SLFN12L: variants seen among roughly 807,000 people sequenced by gnomAD.
SLFN12L encodes the protein schlafen family member 12-like.
Under a neutral mutation model 34.8 loss-of-function variants are expected in SLFN12L, and 34 were observed. That is an observed-to-expected ratio of 0.98 (90% confidence interval 0.74 to 1.30). SLFN12L has a LOEUF of 1.30. Among genes scored for constraint, SLFN12L ranks in the 50% most tolerant of loss-of-function variants. SLFN12L has a pLI of 0.00. For missense variants in SLFN12L, 703 were observed against 696.2 expected (o/e 1.01, Z -0.11); for synonymous variants, 259 against 247.5 (o/e 1.05, Z -0.44).
chr17:35,530,508 G>GAAAGAAAAGAAAAGAAAAGA (rs200936112), intron 1 of SLFN12L, among the ~76,000 whole-genome samples: 11 of 32,706 alleles, frequency 3.4e-4, no homozygotes, highest in Non-Finnish European at 6.9e-4. Flanking sequence ...AAGAAAGAAA[G>GAAAGAAAAGAAAAGAAAAGA]AAAGAAAAGA....
At chr17:35,523,186 C>A (rs1310319362) in intron 1 of SLFN12L, among the ~76,000 whole-genome samples, 1 of 152,194 alleles carries the variant, frequency 6.6e-6, no homozygotes, top group Non-Finnish European at 1.5e-5. Flanking sequence ...TTTGACCTAA[C>A]CTCTCTGAGA....
At chr17:35,491,397 T>A (rs1472397847) in intron 2 of SLFN12L, among the ~76,000 whole-genome samples, 3 of 152,238 alleles carry the variant, frequency 2.0e-5, no homozygotes, top group African/African-American at 7.2e-5. Context: ...TTTTCATGAA[T>A]TTTTTAAAAA....
intron 2 of SLFN12L, chr17:35,490,453 A>C (rs542961663): frequency 1.9e-6 from 2 of 1,048,484 alleles, no homozygotes; most frequent in South Asian, 2.5e-5. Context: ...GGAAGTGCTA[A>C]AAGTGCAAAA....
intron 2 of SLFN12L, among the ~76,000 whole-genome samples, chr17:35,494,351 G>A (rs1238459648): frequency 1.3e-5 from 2 of 151,796 alleles, no homozygotes; most frequent in African/African-American, 4.8e-5. Flanking sequence ...ACTTTTGTAT[G>A]GTAAAGGATC....
At position 35,470,910 on chromosome 17, in the gene SLFN12L, T is replaced by C. The variant is rs1441307991; in HGVS notation, c.*4013A>G. On this transcript the variant is annotated 3_prime_UTR_variant, in exon 5 of 5. Transcript: ENST00000628453. Reference sequence around the variant, plus strand: ...CCCACTTATGAGTGAGAACATGTAGTGTTTCATTTTCTGTTCCCATGTTAG... The same window carrying C: ...CCCACTTATGAGTGAGAACATGTAGCGTTTCATTTTCTGTTCCCATGTTAG... 6.6e-6 allele frequency among the ~76,000 whole-genome samples: 1 copy of C among 152,050 alleles called. No homozygotes were observed. The highest frequency in any genetic ancestry group is 6.6e-5 in the Admixed American group (1 of 15,262).
Position 35,479,761 on chromosome 17 carries a change from G to A in SLFN12L, c.521C>T (p.Thr174Met), listed in dbSNP as rs1218289811. Residue 174 changes from threonine (T) to methionine (M), a missense_variant, in exon 3 of 5, where the codon ACG (threonine) becomes ATG (methionine). By Grantham distance (81) the Thr-to-Met change is moderately conservative (BLOSUM62 -1). Coordinates refer to ENST00000628453, the MANE Select transcript of SLFN12L (RefSeq NM_001363830.2). The part of the protein sequence containing the change: ...LSSSLYKRDV[T>M]SAKVMNASAA... ...AGAAGCATTCATGACTTTTGCAGAC[G>A]TTACATCTCTCTTGTACAAACTGGA... 5.0e-6 allele frequency: 8 copies of A among 1,614,046 alleles called. No individual in the cohort carries two copies. The highest frequency in any genetic ancestry group is 2.2e-5 in the South Asian group (2 of 91,050).
At chr17:35,530,690 T>C (rs1484827266) in intron 1 of SLFN12L, among the ~76,000 whole-genome samples, 1 of 152,096 alleles carries the variant, frequency 6.6e-6, no homozygotes, top group African/African-American at 2.4e-5. Flanking sequence ...TAGTCTTTTT[T>C]ATTTCAAAGA....
At chr17:35,488,872 C>T (rs896476897) in intron 2 of SLFN12L, among the ~76,000 whole-genome samples, 2 of 151,830 alleles carry the variant, frequency 1.3e-5, no homozygotes, top group African/African-American at 4.8e-5. Context: ...GAGTTTGAGA[C>T]CAGCCTGGCC....
intron 2 of SLFN12L, chr17:35,499,242 AAC>A: frequency 1.1e-6 from 1 of 882,568 alleles, no homozygotes; most frequent in Non-Finnish European, 1.6e-6. Flanking sequence ...GTCCTTACCA[AAC>A]ACGACATATC....
At chr17:35,526,442 G>A (rs1287124103) in intron 1 of SLFN12L, among the ~76,000 whole-genome samples, 1 of 152,074 alleles carries the variant, frequency 6.6e-6, no homozygotes, top group Admixed American at 6.6e-5. Context: ...TTCTAAAATT[G>A]ACCACATAAT....
Position 35,506,188 on chromosome 17 carries a change from A to C in SLFN12L, c.86+16091T>G, listed in dbSNP as rs1024139358. On this transcript the variant is annotated intron_variant, in intron 2 of 4. Coordinates refer to ENST00000628453, the MANE Select transcript of SLFN12L (RefSeq NM_001363830.2). ...GTTAGCCAAAACAGAAGGAAAGAAAAGGGATTCCCAAACAAGTCACCTTGA... is the reference window on the plus strand; with the variant it reads ...GTTAGCCAAAACAGAAGGAAAGAAACGGGATTCCCAAACAAGTCACCTTGA... Among the ~76,000 whole-genome samples, 2 of 152,314 alleles carry C rather than the reference A, an allele frequency of 1.3e-5. 1 individual carries two copies.
At chr17:35,490,572 C>A in intron 2 of SLFN12L, 1 of 821,438 alleles carries the variant, frequency 1.2e-6, no homozygotes, top group Non-Finnish European at 2.2e-6. Context: ...CGGATGGGGG[C>A]ATGCTGACCC....
Position 35,482,064 on chromosome 17 carries a change from G to T in SLFN12L, c.87-1869C>A, listed in dbSNP as rs1292422132. On this transcript the variant is annotated intron_variant, in intron 2 of 4. Coordinates refer to ENST00000628453, the MANE Select transcript of SLFN12L (RefSeq NM_001363830.2). ...TTTAGTAGAGACAGCGTTTCACCATGTTGGCCAGGCTGGTCTCGATGATGA... is the reference window on the plus strand; with the variant it reads ...TTTAGTAGAGACAGCGTTTCACCATTTTGGCCAGGCTGGTCTCGATGATGA... 2.0e-5 allele frequency among the ~76,000 whole-genome samples: 3 copies of T among 152,150 alleles called. No individual in the cohort carries two copies. The East Asian group carries it at 5.8e-4, about 29-fold the overall frequency.
chr17:35,507,184 G>A (rs1915489218), intron 2 of SLFN12L, among the ~76,000 whole-genome samples: 2 of 152,172 alleles, frequency 1.3e-5, no homozygotes, highest in South Asian at 4.1e-4. Flanking sequence ...AAAGACAGGT[G>A]AACTCCTGGG....
In SLFN12L at chr17:35,507,205, T is replaced by C. The variant is rs970955091; in HGVS notation, c.86+15074A>G. Among the ~76,000 whole-genome samples the C allele has an allele frequency of 2.6e-5, 4 of 152,316 alleles. 1 individual carries two copies. Among genetic ancestry groups the C allele is most frequent in the South Asian group, 2.1e-4 (1 of 4,824 alleles). ...AGGTGAACTCCTGGGCTTCCCTGTC[T>C]ATGCTTCCTGCAAAAAGAGAAGCAT... On this transcript the variant is annotated intron_variant, in intron 2 of 4. Coordinates refer to ENST00000628453, the MANE Select transcript of SLFN12L (RefSeq NM_001363830.2).
intron 2 of SLFN12L, among the ~76,000 whole-genome samples, chr17:35,489,449 G>A (rs1914742968): frequency 6.6e-6 from 1 of 152,038 alleles, no homozygotes; most frequent in African/African-American, 2.4e-5. Context: ...AGCTACTAAG[G>A]AGGCTATGGT....
At chr17:35,529,783 T>A (rs2072373310) in intron 1 of SLFN12L, among the ~76,000 whole-genome samples, 1 of 151,986 alleles carries the variant, frequency 6.6e-6, no homozygotes, top group Non-Finnish European at 1.5e-5. Flanking sequence ...CCATGGCATG[T>A]GAATACCTAT....
intron 2 of SLFN12L, among the ~76,000 whole-genome samples, chr17:35,491,452 G>A (rs1914834283): frequency 6.6e-6 from 1 of 152,188 alleles, no homozygotes; most frequent in Non-Finnish European, 1.5e-5. Flanking sequence ...GCTCCCTTGG[G>A]AAAGCCCTGC....
chr17:35,530,465 A>AAAGG (rs1232162907), intron 1 of SLFN12L, among the ~76,000 whole-genome samples: 5 of 61,620 alleles, frequency 8.1e-5, no homozygotes, highest in African/African-American at 2.4e-4. Flanking sequence ...AGAAAGAAAG[A>AAAGG]AAGAAAGAAA....
Sources: allele counts gnomAD v4.1 joint callset (sites outside exome capture counted in the v4.1 genomes callset), GRCh38; gene constraint gnomAD v4.1.1; transcripts MANE v1.5; gene names NCBI Gene and HGNC (gene_info 2026-07-23, HGNC 2026-07-21).